Variants in FAM13C observed in about 807,000 individuals in gnomAD.
The protein encoded by FAM13C is family with sequence similarity 13 member C, also known as protein FAM13C.
Under a neutral mutation model 73.2 loss-of-function variants are expected in FAM13C, and 37 were observed. That is an observed-to-expected ratio of 0.51 (90% CI 0.39 to 0.67). The LOEUF (loss-of-function observed/expected upper bound fraction) is 0.67. FAM13C is among the 30% of genes least tolerant of loss of function. The pLI, the probability that FAM13C is intolerant of heterozygous loss-of-function variation, is 0.00. For synonymous variants in FAM13C, 246 were observed against 260.9 expected, an observed-to-expected ratio of 0.94 and a Z score of 0.55; for missense variants, 589 against 715.6, an observed-to-expected ratio of 0.82 and a Z score of 2.02.
intron 6 of FAM13C, among the ~76,000 whole-genome samples, chr10:59,275,590 T>G (rs993200086): frequency 6.6e-6 from 1 of 151,950 alleles, no homozygotes; most frequent in Admixed American, 6.5e-5. Flanking sequence ...GTATGTTCAG[T>G]TTTTTTGTAA....
At chr10:59,351,674 C>T (rs1589720088) in intron 3 of FAM13C, among the ~76,000 whole-genome samples, 1 of 152,102 alleles carries the variant, frequency 6.6e-6, no homozygotes, top group South Asian at 2.1e-4. Flanking sequence ...CCATCTTCCC[C>T]GCAAAAGAAT....
At chr10:59,282,921 G>C (rs12256004) in intron 6 of FAM13C, 2 of 166,332 alleles carry the variant, frequency 1.2e-5, no homozygotes, top group Non-Finnish European at 2.6e-5. Flanking sequence ...TGCATGCATG[G>C]ATCATCTTAC....
chr10:59,315,463 GT>G (rs2133962841), intron 4 of FAM13C, among the ~76,000 whole-genome samples: 1 of 152,066 alleles, frequency 6.6e-6, no homozygotes, highest in Non-Finnish European at 1.5e-5. Flanking sequence ...TTGTTTTTGT[GT>G]TTTTACAGGG....
At chr10:59,268,422 G>C (rs1843326737) in intron 8 of FAM13C, 131 bp downstream of exon 8, 1 of 1,105,382 alleles carries the variant, frequency 9.0e-7, no homozygotes, top group Non-Finnish European at 1.3e-6. Flanking sequence ...TCTATGATAG[G>C]TCCAGGTTGG....
chr10:59,249,408 GAAAAA>G (rs71006241), intron 13 of FAM13C, among the ~76,000 whole-genome samples: 6 of 99,162 alleles, frequency 6.1e-5, no homozygotes, highest in African/African-American at 2.4e-4. Context: ...CGTCTCAAAA[GAAAAA>G]AAAAAAAAAA....
chr10:59,347,601 A>T (rs1854481267), intron 3 of FAM13C, among the ~76,000 whole-genome samples: 1 of 151,946 alleles, frequency 6.6e-6, no homozygotes. Flanking sequence ...ATAGATATAC[A>T]CGTGCCTTGG....
intron 10 of FAM13C, among the ~76,000 whole-genome samples, chr10:59,254,803 C>A (rs1163207659): frequency 6.6e-6 from 1 of 151,980 alleles, no homozygotes; most frequent in African/African-American, 2.4e-5. Context: ...CAGGGTTTCA[C>A]CATGTTGGCC....
chr10:59,275,960 T>C (rs187267461), intron 6 of FAM13C, among the ~76,000 whole-genome samples: 1 of 152,348 alleles, frequency 6.6e-6, no homozygotes, highest in East Asian at 1.9e-4. Flanking sequence ...TTTGAAATCT[T>C]TCCTTAGAAA....
intron 3 of FAM13C, among the ~76,000 whole-genome samples, chr10:59,328,071 T>A (rs1049670715): frequency 1.3e-5 from 2 of 152,146 alleles, no homozygotes; most frequent in Non-Finnish European, 2.9e-5. Flanking sequence ...TCATCTACCC[T>A]CCACCTCACC....
chr10:59,282,831 T>G (rs1845086525), intron 6 of FAM13C: 1 of 139,028 alleles, frequency 7.2e-6, no homozygotes, highest in Non-Finnish European at 1.5e-5. Flanking sequence ...AGGAAATTAA[T>G]GAAAAAAAAA....
At chr10:59,335,284 T>C (rs1005335934) in intron 3 of FAM13C, among the ~76,000 whole-genome samples, 3 of 152,232 alleles carry the variant, frequency 2.0e-5, no homozygotes, top group African/African-American at 7.2e-5. Context: ...GAATTGAATA[T>C]TCTACGTAAA....
Position 59,246,875 on chromosome 10 carries a change from T to C in FAM13C, c.*739A>G, listed in dbSNP as rs1364907713. The C allele has an allele frequency of 5.5e-6, 2 of 361,320 alleles. No homozygotes were observed. Among genetic ancestry groups the C allele is most frequent in the Non-Finnish European group, 9.8e-6 (2 of 203,640 alleles). The allele number at this position is 361,320 out of a possible 1,614,324, so 22.4% of individuals were successfully genotyped here. ...ACTACAGACACATATCTATCCAAAATACCTATTTTAAATTTTTAATACAAT... is the reference window on the plus strand; with the variant it reads ...ACTACAGACACATATCTATCCAAAACACCTATTTTAAATTTTTAATACAAT... On this transcript the variant is annotated 3_prime_UTR_variant, in exon 14 of 14. Coordinates refer to ENST00000618804, the MANE Select transcript of FAM13C (RefSeq NM_198215.4).
rs1313891891 is a variant in FAM13C at position 59,352,413 on chromosome 10, G to A, written c.181C>T (p.Pro61Ser). 7 of 1,613,924 alleles carry A rather than the reference G, an allele frequency of 4.3e-6. No individual in the cohort carries two copies. The East Asian group carries it at 1.3e-4, about 31-fold the overall frequency. Residue 61 changes from proline to serine, a missense_variant, in exon 3 of 14, where the codon CCC (proline) becomes TCC (serine). By Grantham distance (74) the Pro-to-Ser change is moderately conservative. Coordinates refer to ENST00000618804, the MANE Select transcript of FAM13C (RefSeq NM_198215.4). ...TTCTGCTGCTGCGGCTCCCAAGAGGGCGGCGCGTGCTCTTCTACCAGAGCC... is the reference window on the plus strand; with the variant it reads ...TTCTGCTGCTGCGGCTCCCAAGAGGACGGCGCGTGCTCTTCTACCAGAGCC... ...AGALVEEHAP[P>S]SWEPQQQNVE...
intron 5 of FAM13C, among the ~76,000 whole-genome samples, chr10:59,290,746 AC>A (rs1378868439): frequency 6.6e-6 from 1 of 152,162 alleles, no homozygotes; most frequent in Non-Finnish European, 1.5e-5. Context: ...GAGAGCTAGC[AC>A]CGTACCTCCA....
intron 3 of FAM13C, among the ~76,000 whole-genome samples, chr10:59,331,511 AC>A (rs1851978196): frequency 6.6e-6 from 1 of 152,158 alleles, no homozygotes; most frequent in Admixed American, 6.5e-5. Flanking sequence ...AAGTATGAAG[AC>A]CTACTAGTCT....
chr10:59,312,719 C>T (rs940890213), intron 4 of FAM13C, among the ~76,000 whole-genome samples: 6 of 152,266 alleles, frequency 3.9e-5, no homozygotes, highest in African/African-American at 1.2e-4. Flanking sequence ...TTTGCTGATG[C>T]GACTTGACAC....
At chr10:59,359,370 G>A (rs1856116943) in intron 1 of FAM13C, among the ~76,000 whole-genome samples, 2 of 152,358 alleles carry the variant, frequency 1.3e-5, no homozygotes, top group South Asian at 4.1e-4. Context: ...TAATGGTGGT[G>A]AAAGAAATAC....
chr10:59,313,458 C>T (rs1849172305), intron 4 of FAM13C, among the ~76,000 whole-genome samples: 4 of 152,132 alleles, frequency 2.6e-5, no homozygotes, highest in Admixed American at 2.6e-4. Context: ...CTTTCTTGAT[C>T]CCCACTTTTC....
At chr10:59,360,878 A>AAAAAAG in intron 1 of FAM13C, 1 of 369,772 alleles carries the variant, frequency 2.7e-6, no homozygotes, top group South Asian at 2.2e-5. Context: ...AAAAAAAAAA[A>AAAAAAG]AGTCCACGTG....
Sources: allele counts gnomAD v4.1 joint callset (sites outside exome capture counted in the v4.1 genomes callset), GRCh38; gene constraint gnomAD v4.1.1; transcripts MANE v1.5; gene names NCBI Gene and HGNC (gene_info 2026-07-23, HGNC 2026-07-21).